The following DHX35 variants were observed in gnomAD, a reference collection of about 807,000 sequenced individuals.
DHX35 encodes probable ATP-dependent RNA helicase DHX35.
A neutral mutation model predicts 99.6 loss-of-function variants in DHX35; 84 were observed. The ratio of observed to expected loss-of-function variants is 0.84; its 90% CI spans 0.71 to 1.01. The LOEUF is 1.01. DHX35 is among the 50% of genes least tolerant of loss of function. The pLI, the probability that DHX35 is intolerant of heterozygous loss-of-function variation, is 0.00. For synonymous variants in DHX35, 331 were observed against 316.2 expected (o/e 1.05, Z -0.50); for missense variants, 852 against 888.5 (o/e 0.96, Z 0.52).
At chr20:39,022,605 T>C (rs1475221414) in intron 16 of DHX35, among the ~76,000 whole-genome samples, 1 of 152,194 alleles carries the variant, frequency 6.6e-6, no homozygotes, top group African/African-American at 2.4e-5. Flanking sequence ...AGGGAAATTG[T>C]CATTCAGACT....
chr20:39,024,887 G>C (rs2086928159), intron 17 of DHX35, among the ~76,000 whole-genome samples: 1 of 152,166 alleles, frequency 6.6e-6, no homozygotes, highest in Non-Finnish European at 1.5e-5. Flanking sequence ...ATACATTCAA[G>C]CATGCCAAAG....
chr20:38,976,408 T>C (rs1220496827), intron 3 of DHX35, among the ~76,000 whole-genome samples: 4 of 146,912 alleles, frequency 2.7e-5, no homozygotes, highest in Non-Finnish European at 4.5e-5. Flanking sequence ...CATGTTTTAG[T>C]ATGCCTTGAC....
At chr20:39,021,366 C>G (rs2086869368) in intron 15 of DHX35, among the ~76,000 whole-genome samples, 1 of 152,184 alleles carries the variant, frequency 6.6e-6, no homozygotes, top group African/African-American at 2.4e-5. Flanking sequence ...GTCAGAGTCC[C>G]CTATATTTCA....
intron 21 of DHX35, 128 bp downstream of exon 21, chr20:39,034,445 C>A (rs1365111313): frequency 2.8e-6 from 2 of 702,130 alleles, no homozygotes; most frequent in African/African-American, 1.8e-5. Flanking sequence ...GTGGAAAGGC[C>A]ATTACCATAT....
At chr20:38,969,742 A>G (rs1303272412) in intron 2 of DHX35, among the ~76,000 whole-genome samples, 2 of 152,238 alleles carry the variant, frequency 1.3e-5, no homozygotes, top group African/African-American at 2.4e-5. Flanking sequence ...CTCACGAAAC[A>G]GATGTGTGCT....
intron 13 of DHX35, among the ~76,000 whole-genome samples, chr20:39,011,973 C>T (rs1183635359): frequency 6.6e-6 from 1 of 152,108 alleles, no homozygotes; most frequent in Non-Finnish European, 1.5e-5. Flanking sequence ...ACAGGCTGAG[C>T]GTGGTGGCTT....
intron 14 of DHX35, among the ~76,000 whole-genome samples, chr20:39,017,297 A>G (rs182710308): frequency 7.9e-5 from 12 of 152,298 alleles, no homozygotes; most frequent in Admixed American, 7.8e-4. Context: ...AGTGATTTAA[A>G]AGACCTTCAG....
chr20:39,039,540 C>T lies in DHX35; in HGVS notation c.*997C>T, dbSNP rs184544148. The T allele has an allele frequency of 6.6e-6, 1 of 152,092 alleles. No individual in the cohort carries two copies. Among genetic ancestry groups the T allele is most frequent in the Non-Finnish European group, 1.5e-5 (1 of 68,014 alleles). 9.4% of individuals were successfully genotyped at this position (152,092 alleles called of 1,614,324 possible). A position where few individuals can be genotyped will look rare whatever the true frequency, so the allele number is the denominator to read the frequency against. ...TTTTTCCCCCTTACTGTTTCAATGA[C>T]CTTTATTTTAAAAACACATAGCTTG... On this transcript the variant is annotated 3_prime_UTR_variant, in exon 22 of 22. Transcript: ENST00000252011.
In DHX35 at chr20:39,020,365, G is replaced by A. The variant is rs151245720; in HGVS notation, c.1498+1466G>A. ...GGTGTACCATTTTGCATTTCTGCCAGCAGTACACGAGGGTTCCAATTTCTT... is the reference window on the plus strand; with the variant it reads ...GGTGTACCATTTTGCATTTCTGCCAACAGTACACGAGGGTTCCAATTTCTT... On this transcript the variant is annotated intron_variant, in intron 15 of 21. Coordinates refer to ENST00000252011, the MANE Select transcript of DHX35 (RefSeq NM_021931.4). 1.1e-4 allele frequency among the ~76,000 whole-genome samples: 17 copies of A among 152,334 alleles called. No individual in the cohort carries two copies. In the East Asian group the frequency reaches 1.9e-3, roughly 17 times the overall value.
chr20:39,006,066 A>C, intron 11 of DHX35, 80 bp from the exon 12 acceptor site: 1 of 1,498,108 alleles, frequency 6.7e-7, no homozygotes, highest in Non-Finnish European at 9.2e-7. Flanking sequence ...GGAAATGTTA[A>C]ATCTTTTAGG....
intron 1 of DHX35, among the ~76,000 whole-genome samples, chr20:38,964,982 T>G (rs1017401478): frequency 5.9e-5 from 9 of 152,204 alleles, no homozygotes; most frequent in African/African-American, 2.2e-4. Context: ...TCTAGGTTAG[T>G]GATTCTCTAA....
intron 14 of DHX35, among the ~76,000 whole-genome samples, chr20:39,015,402 C>T (rs1016595314): frequency 1.3e-5 from 2 of 152,250 alleles, no homozygotes; most frequent in Non-Finnish European, 2.9e-5. Context: ...AACTTCTATT[C>T]AGTTGTCGAT....
chr20:39,021,426 A>G (rs2086870092), intron 15 of DHX35, among the ~76,000 whole-genome samples: 2 of 152,236 alleles, frequency 1.3e-5, no homozygotes, highest in Non-Finnish European at 2.9e-5. Flanking sequence ...CAAGGCTACT[A>G]TTCATCTGGG....
intron 4 of DHX35, among the ~76,000 whole-genome samples, chr20:38,985,458 C>G (rs1219734355): frequency 6.8e-6 from 1 of 147,874 alleles, no homozygotes; most frequent in Admixed American, 6.8e-5. Flanking sequence ...ACAATTAATT[C>G]TATTTCCCCA....
At chr20:39,019,869 C>G (rs2086845683) in intron 15 of DHX35, among the ~76,000 whole-genome samples, 2 of 152,232 alleles carry the variant, frequency 1.3e-5, no homozygotes, top group African/African-American at 4.8e-5. Flanking sequence ...AACACCTCCT[C>G]TTTCTCCATT....
intron 7 of DHX35, 55 bp downstream of exon 7, chr20:38,992,480 C>G: frequency 5.2e-6 from 8 of 1,539,942 alleles, no homozygotes; most frequent in Non-Finnish European, 7.2e-6. Context: ...TGCCTAATTA[C>G]AAAAGCAACT....
intron 6 of DHX35, 28 bp downstream of exon 6, chr20:38,991,543 TC>T: frequency 1.9e-6 from 3 of 1,605,550 alleles, no homozygotes; most frequent in Non-Finnish European, 2.6e-6. Flanking sequence ...ATGATAGCTT[TC>T]CTAGTTTCCA....
At chr20:38,990,803 C>A (rs145629909) in intron 5 of DHX35, among the ~76,000 whole-genome samples, 6 of 152,144 alleles carry the variant, frequency 3.9e-5, no homozygotes, top group African/African-American at 1.4e-4. Context: ...ACAAGGATAC[C>A]GAGGAACTAC....
intron 15 of DHX35, 81 bp from the exon 16 acceptor site, chr20:39,021,760 C>A: frequency 7.4e-7 from 1 of 1,351,474 alleles, no homozygotes; most frequent in Non-Finnish European, 1.1e-6. Flanking sequence ...CAGTGTGGTG[C>A]AAGGAAAGTA....
Sources: allele counts gnomAD v4.1 joint callset (sites outside exome capture counted in the v4.1 genomes callset), GRCh38; gene constraint gnomAD v4.1.1; transcripts MANE v1.5; gene names NCBI Gene and HGNC (gene_info 2026-07-23, HGNC 2026-07-21).